The following GAS7 variants were observed in gnomAD, a reference collection of about 807,000 sequenced individuals.
GAS7 encodes the protein growth arrest-specific protein 7.
In GAS7, 28 loss-of-function variants were observed where a neutral mutation model predicts 71.1. The ratio of observed to expected loss-of-function variants is 0.39; its 90% CI spans 0.29 to 0.54. The LOEUF is 0.54. Among genes scored for constraint, GAS7 ranks in the 20% least tolerant of loss-of-function variants. The pLI is 0.62. For missense variants in GAS7, 436 were observed against 627.8 expected, an observed-to-expected ratio of 0.69 and a Z score of 3.27; for synonymous variants, 258 against 245.8, an observed-to-expected ratio of 1.05 and a Z score of -0.46.
chr17:9,990,066 A>G (rs868183922), intron 2 of GAS7, among the ~76,000 whole-genome samples: 9 of 152,170 alleles, frequency 5.9e-5, no homozygotes, highest in Non-Finnish European at 1.0e-4. Flanking sequence ...TCAGGAGATC[A>G]AGACCATCCT....
chr17:10,044,503 A>T (rs563167385), intron 1 of GAS7, among the ~76,000 whole-genome samples: 17 of 152,322 alleles, frequency 1.1e-4, no homozygotes, highest in Admixed American at 2.0e-4. Context: ...GTAAAATTTT[A>T]AAAATTTTAA....
At chr17:10,067,711 C>T (rs1419031846) in intron 1 of GAS7, among the ~76,000 whole-genome samples, 1 of 152,178 alleles carries the variant, frequency 6.6e-6, no homozygotes. Flanking sequence ...TCCTAGTCCC[C>T]CTACACCATG....
At chr17:10,162,909 T>C (rs2074266875) in intron 1 of GAS7, among the ~76,000 whole-genome samples, 1 of 152,142 alleles carries the variant, frequency 6.6e-6, no homozygotes. Flanking sequence ...AAAAAGGCTC[T>C]GGGGCTAAAT....
At chr17:10,175,002 C>T (rs113927050) in intron 1 of GAS7, among the ~76,000 whole-genome samples, 4 of 152,010 alleles carry the variant, frequency 2.6e-5, no homozygotes, top group South Asian at 2.1e-4. Flanking sequence ...CATGCCACCA[C>T]GCCTGGCTAA....
intron 9 of GAS7, among the ~76,000 whole-genome samples, chr17:9,933,243 C>G (rs749822816): frequency 1.3e-5 from 2 of 152,108 alleles, no homozygotes; most frequent in Admixed American, 1.3e-4. Context: ...TTTACTTGTT[C>G]TGAAATTTTG....
chr17:10,192,239 A>G (rs1270521991), intron 1 of GAS7, among the ~76,000 whole-genome samples: 1 of 152,206 alleles, frequency 6.6e-6, no homozygotes, highest in Non-Finnish European at 1.5e-5. Flanking sequence ...AAGCCTCGCC[A>G]TTGCAGGGAG....
At chr17:10,137,932 A>G (rs1248890270) in intron 1 of GAS7, among the ~76,000 whole-genome samples, 1 of 151,682 alleles carries the variant, frequency 6.6e-6, no homozygotes, top group Admixed American at 6.6e-5. Context: ...AAATAAGATC[A>G]GGTCCCTTCA....
chr17:10,103,166 A>C lies in GAS7; in HGVS notation c.184-83269T>G, dbSNP rs111849118. ...CCAGGAGTTTGAGACCAGCCTGGGC[A>C]ATATGGCAAAACCCCTCCTCTAAAA... On this transcript the variant is annotated intron_variant, in intron 1 of 13. Transcript: ENST00000432992. This position sits in a 1 kb window ranked among gnomAD's most constrained non-coding sequence, Gnocchi z 5.5. 1.6e-3 allele frequency among the ~76,000 whole-genome samples: 240 copies of C among 152,138 alleles called. 2 individuals carry two copies. Among genetic ancestry groups the C allele is most frequent in the African/African-American group, 5.4e-3 (223 of 41,524 alleles).
At chr17:10,145,848 A>G (rs1409794997) in intron 1 of GAS7, among the ~76,000 whole-genome samples, 1 of 152,242 alleles carries the variant, frequency 6.6e-6, no homozygotes, top group African/African-American at 2.4e-5. Context: ...CTGGAGTTCA[A>G]TGAAGTGGAA....
chr17:10,165,319 A>G (rs921098922), intron 1 of GAS7, among the ~76,000 whole-genome samples: 8 of 151,524 alleles, frequency 5.3e-5, no homozygotes. Context: ...AAAGAAAACA[A>G]AAGAAAAGTT....
At chr17:10,089,419 C>T (rs1328769860) in intron 1 of GAS7, among the ~76,000 whole-genome samples, 1 of 152,068 alleles carries the variant, frequency 6.6e-6, no homozygotes, top group Non-Finnish European at 1.5e-5. Flanking sequence ...CTGCAGTGTC[C>T]TCAAGATAAA....
intron 2 of GAS7, among the ~76,000 whole-genome samples, chr17:10,018,237 G>A (rs1004833122): frequency 3.9e-5 from 6 of 152,146 alleles, no homozygotes; most frequent in Non-Finnish European, 5.9e-5. Context: ...ATTTTTTACC[G>A]TGAAAACAAA....
intron 3 of GAS7, among the ~76,000 whole-genome samples, chr17:9,975,559 G>A (rs115363534): frequency 1.5e-3 from 196 of 126,846 alleles, no homozygotes; most frequent in African/African-American, 5.6e-3. Flanking sequence ...CCTTCCACCC[G>A]TTCTCCTTCC....
In GAS7 at chr17:9,926,031, T is replaced by G. The variant is rs2067988101; in HGVS notation, c.1015-432A>C. On this transcript the variant is annotated intron_variant, in intron 10 of 13. Coordinates refer to ENST00000432992, the MANE Select transcript of GAS7 (RefSeq NM_201433.2). This position sits in a 1 kb window ranked among gnomAD's most constrained non-coding sequence, Gnocchi z 5.0. ...GCCTCGGCCCTCTTGTTCCCCTCAC[T>G]GTACTGCCTTTCCTCCAGGCCACCA... 6.6e-6 allele frequency among the ~76,000 whole-genome samples: 1 copy of G among 151,972 alleles called. No individual in the cohort carries two copies. The highest frequency in any genetic ancestry group is 6.6e-5 in the Admixed American group (1 of 15,262).
At position 9,925,457 on chromosome 17, in the gene GAS7, G is replaced by A; in HGVS notation, c.1138+19C>T. 6.2e-7 allele frequency: 1 copy of A among 1,613,848 alleles called. No homozygotes were observed. Reference sequence around the variant, plus strand: ...CTTCTGTGTGCACTGACCAGGCCAGGCGGGTGCCCAGCACTTACCAGCCTG... The same window carrying A: ...CTTCTGTGTGCACTGACCAGGCCAGACGGGTGCCCAGCACTTACCAGCCTG... On this transcript the variant is annotated intron_variant, in intron 11 of 13. Transcript: ENST00000432992.
At chr17:9,938,619 G>T (rs527784724) in intron 8 of GAS7, among the ~76,000 whole-genome samples, 159 of 151,828 alleles carry the variant, frequency 1.0e-3, no homozygotes, top group African/African-American at 3.8e-3. Context: ...CACCAACCCT[G>T]CTGGCACCTT....
chr17:9,943,104 A>C lies in GAS7; in HGVS notation c.731+17T>G. 21 of 1,507,440 alleles carry C rather than the reference A, an allele frequency of 1.4e-5. No individual in the cohort carries two copies. Among genetic ancestry groups the C allele is most frequent in the Non-Finnish European group, 1.8e-5 (20 of 1,082,654 alleles). The allele number at this position is 1,507,440 out of a possible 1,614,324, so 93.4% of individuals were successfully genotyped here. On this transcript the variant is annotated intron_variant, in intron 7 of 13. Coordinates refer to ENST00000432992, the MANE Select transcript of GAS7 (RefSeq NM_201433.2). ...ACTGGTGCCAGGCCCCAGGGCTGGG[A>C]GGGGCCCAGGCTTCACCTTTCCCGG...
At chr17:10,050,159 T>C (rs1387726503) in intron 1 of GAS7, among the ~76,000 whole-genome samples, 1 of 152,208 alleles carries the variant, frequency 6.6e-6, no homozygotes, top group African/African-American at 2.4e-5. Flanking sequence ...ACTAAAATTA[T>C]TTAAACAAGT....
chr17:10,045,062 T>C (rs866971582), intron 1 of GAS7, among the ~76,000 whole-genome samples: 2 of 129,504 alleles, frequency 1.5e-5, no homozygotes, highest in South Asian at 2.4e-4. Flanking sequence ...AAAAAAAAAG[T>C]GTCCAAGTGA....
Sources: allele counts gnomAD v4.1 joint callset (sites outside exome capture counted in the v4.1 genomes callset), GRCh38; gene constraint gnomAD v4.1.1; non-coding constraint Gnocchi (gnomAD v3.1); transcripts MANE v1.5; gene names NCBI Gene and HGNC (gene_info 2026-07-23, HGNC 2026-07-21).